The following VWA8 variants were observed in gnomAD, a reference collection of about 807,000 sequenced individuals.
VWA8 encodes von Willebrand factor A domain containing 8.
Under a neutral mutation model 241.5 loss-of-function variants are expected in VWA8, and 221 were observed. The observed-to-expected ratio is 0.91, with a 90% CI of 0.82 to 1.02. The LOEUF (loss-of-function observed/expected upper bound fraction) is 1.02, where lower values mean the gene tolerates loss of function less well. Ranked by LOEUF, VWA8 falls within the 50% of genes least tolerant of loss-of-function variation. The pLI, the probability that VWA8 is intolerant of heterozygous loss-of-function variation, is 0.00. For missense variants in VWA8, 2,322 were observed against 2,328.7 expected, an observed-to-expected ratio of 1.00 and a Z score of 0.06; for synonymous variants, 852 against 827.1, an observed-to-expected ratio of 1.03 and a Z score of -0.52.
At chr13:41,580,366 T>C (rs1011923407) in intron 42 of VWA8, among the ~76,000 whole-genome samples, 1 of 152,204 alleles carries the variant, frequency 6.6e-6, no homozygotes, top group Non-Finnish European at 1.5e-5. Context: ...CCTAAACTGA[T>C]AGGATGACTG....
At chr13:41,620,436 A>AT (rs1171257297) in intron 37 of VWA8, among the ~76,000 whole-genome samples, 2 of 151,912 alleles carry the variant, frequency 1.3e-5, no homozygotes, top group African/African-American at 4.8e-5. Flanking sequence ...GGATTCATTG[A>AT]TTTTTTGAAG....
chr13:41,883,139 C>T (rs976957265), intron 9 of VWA8, among the ~76,000 whole-genome samples: 1 of 152,052 alleles, frequency 6.6e-6, no homozygotes, highest in Non-Finnish European at 1.5e-5. Context: ...TACTTATTTG[C>T]TCAACATAAC....
In VWA8 at chr13:41,960,947, C is replaced by T. The variant is rs1350606216; in HGVS notation, c.69G>A (p.Arg23=). 2.0e-6 allele frequency: 3 copies of T among 1,470,540 alleles called. No homozygotes were observed. In the Admixed American group the frequency reaches 7.3e-5, roughly 36 times the overall value. The allele number at this position is 1,470,540 out of a possible 1,614,324, so 91.1% of individuals were successfully genotyped here. Residue 23 remains arginine, a synonymous_variant, in exon 1 of 45, where the codon CGG becomes CGA. Transcript: ENST00000379310. ...GHGGPASRRM[R]LLLRQVVQRR... is the part of the protein sequence containing the mutation. ...GCTGCACCACCTGCCGCAGGAGCAG[C>T]CGCATGCGCCGCGAGGCCGGGCCGC...
chr13:41,736,935 C>T (rs2045530286), intron 21 of VWA8, among the ~76,000 whole-genome samples: 1 of 151,060 alleles, frequency 6.6e-6, no homozygotes, highest in African/African-American at 2.4e-5. Flanking sequence ...CCTCCGCTTC[C>T]CAGGTTCAAG....
At chr13:41,759,390 G>A (rs1455850187) in intron 21 of VWA8, among the ~76,000 whole-genome samples, 1 of 151,486 alleles carries the variant, frequency 6.6e-6, no homozygotes, top group Non-Finnish European at 1.5e-5. Flanking sequence ...TTGATTATAT[G>A]CTATGTAGTG....
intron 43 of VWA8, among the ~76,000 whole-genome samples, chr13:41,573,518 T>C (rs962632849): frequency 9.5e-5 from 13 of 137,090 alleles, no homozygotes; most frequent in African/African-American, 3.6e-4. Flanking sequence ...CCTCTCTCTA[T>C]ATATACGTGT....
chr13:41,769,122 G>C (rs1180982539), intron 20 of VWA8, among the ~76,000 whole-genome samples: 1 of 152,136 alleles, frequency 6.6e-6, no homozygotes, highest in African/African-American at 2.4e-5. Context: ...GCCCAGGCTG[G>C]TCTGCAGCTT....
Position 41,857,912 on chromosome 13 carries a change from G to A in VWA8, c.1425+7824C>T, listed in dbSNP as rs144543271. ...AGATGGCCTTCCTCAATATGGGTGG[G>A]CTTCATCTAATCAGTTGGAGGCCTG... On this transcript the variant is annotated intron_variant, in intron 12 of 44. Coordinates refer to ENST00000379310, the MANE Select transcript of VWA8 (RefSeq NM_015058.2). Among the ~76,000 whole-genome samples the A allele has an allele frequency of 1.7e-3, 264 of 152,316 alleles. 2 individuals carry two copies. The highest frequency in any genetic ancestry group is 5.8e-3 in the African/African-American group (243 of 41,564).
chr13:41,888,307 G>C (rs1395578620), intron 5 of VWA8, among the ~76,000 whole-genome samples: 1 of 152,208 alleles, frequency 6.6e-6, no homozygotes, highest in Non-Finnish European at 1.5e-5. Flanking sequence ...CACTCTGAGA[G>C]AAACGTCCAC....
At chr13:41,695,227 C>T (rs1249165026) in intron 29 of VWA8, among the ~76,000 whole-genome samples, 1 of 152,090 alleles carries the variant, frequency 6.6e-6, no homozygotes, top group Non-Finnish European at 1.5e-5. Flanking sequence ...AAACTTTGTA[C>T]AGATGTAATA....
intron 13 of VWA8, among the ~76,000 whole-genome samples, chr13:41,832,923 A>C (rs922325777): frequency 6.6e-6 from 1 of 151,490 alleles, no homozygotes; most frequent in African/African-American, 2.4e-5. Context: ...ATATTTTACA[A>C]ACAAAACTAC....
intron 2 of VWA8, among the ~76,000 whole-genome samples, chr13:41,921,798 T>A (rs1020231268): frequency 6.6e-6 from 1 of 152,182 alleles, no homozygotes; most frequent in Non-Finnish European, 1.5e-5. Flanking sequence ...CACAAACAAA[T>A]GGAAGAACAT....
rs1878118874 is a variant in VWA8 at position 41,951,173 on chromosome 13, T to C, written c.164-1160A>G. 1.3e-5 allele frequency among the ~76,000 whole-genome samples: 2 copies of C among 151,950 alleles called. 1 individual carries two copies. Among genetic ancestry groups the C allele is most frequent in the South Asian group, 4.1e-4 (2 of 4,822 alleles). On this transcript the variant is annotated intron_variant, in intron 1 of 44. Coordinates refer to ENST00000379310, the MANE Select transcript of VWA8 (RefSeq NM_015058.2). ...GGCTCACGCCTGTAATCCTAGCACT[T>C]TGGGAGGCCAAGGCAGGCGGATCAC...
At chr13:41,829,469 T>C (rs554653864) in intron 14 of VWA8, among the ~76,000 whole-genome samples, 98 of 150,116 alleles carry the variant, frequency 6.5e-4, no homozygotes, top group African/African-American at 2.1e-3. Flanking sequence ...GAATTCACAA[T>C]TGCAAAGATA....
chr13:41,941,832 G>C (rs1212494700), intron 2 of VWA8, among the ~76,000 whole-genome samples: 2 of 152,160 alleles, frequency 1.3e-5, no homozygotes, highest in Non-Finnish European at 2.9e-5. Context: ...CAGTCAAGGA[G>C]GCTCAGAGCA....
chr13:41,601,402 A>G (rs1372208276), intron 40 of VWA8, among the ~76,000 whole-genome samples: 1 of 152,152 alleles, frequency 6.6e-6, no homozygotes, highest in Non-Finnish European at 1.5e-5. Context: ...ACAAAAGCTT[A>G]TTTTGAAACA....
At chr13:41,699,689 A>T (rs1005453815) in intron 28 of VWA8, among the ~76,000 whole-genome samples, 3 of 152,194 alleles carry the variant, frequency 2.0e-5, no homozygotes, top group African/African-American at 7.2e-5. Flanking sequence ...CATTTTCCAG[A>T]TAGTTACTAG....
chr13:41,872,417 T>C (rs1315685699), intron 9 of VWA8, among the ~76,000 whole-genome samples: 4 of 152,262 alleles, frequency 2.6e-5, no homozygotes, highest in Non-Finnish European at 5.9e-5. Flanking sequence ...CTACGTTTTC[T>C]TCTAGGGTTT....
At chr13:41,573,486 A>AATAAATAAATAAATAAATAT (rs1555303591) in intron 43 of VWA8, among the ~76,000 whole-genome samples, 1 of 113,614 alleles carries the variant, frequency 8.8e-6, no homozygotes, top group African/African-American at 3.4e-5. Flanking sequence ...AAAAAAAAAA[A>AATAAATAAATAAATAAATAT]ATATATATAT....
Sources: gnomAD v4.1 joint callset for allele counts (sites outside exome capture counted in the v4.1 genomes callset) on GRCh38, gnomAD v4.1.1 for gene constraint, MANE v1.5 for transcripts, NCBI Gene and HGNC (gene_info 2026-07-23, HGNC 2026-07-21) for gene names.